AUTS2: variants seen among roughly 807,000 people sequenced by gnomAD.
AUTS2 encodes activator of transcription and developmental regulator AUTS2.
In AUTS2, 17 loss-of-function variants were observed where a neutral mutation model predicts 112.4. That is an observed-to-expected ratio of 0.15 (90% CI 0.10 to 0.23). The LOEUF (loss-of-function observed/expected upper bound fraction) is 0.23. Among genes scored for constraint, AUTS2 ranks in the 10% least tolerant of loss-of-function variants. AUTS2 has a pLI of 1.00. For missense variants in AUTS2, 1,510 were observed against 1,701.6 expected, an observed-to-expected ratio of 0.89 and a Z score of 1.98; for synonymous variants, 751 against 702.7, an observed-to-expected ratio of 1.07 and a Z score of -1.09.
chr7:70,613,038 G>T (rs571935882), intron 5 of AUTS2, among the ~76,000 whole-genome samples: 1 of 152,018 alleles, frequency 6.6e-6, no homozygotes, highest in Admixed American at 6.5e-5. Flanking sequence ...TCTTCGCTTG[G>T]GTGCATTATC....
intron 4 of AUTS2, among the ~76,000 whole-genome samples, chr7:70,408,420 C>T (rs1794633696): frequency 6.6e-6 from 1 of 152,098 alleles, no homozygotes; most frequent in Admixed American, 6.5e-5. Context: ...ATTCCTCTGC[C>T]TGTAAGAGGG....
At chr7:70,074,397 TG>T (rs1436517287) in intron 2 of AUTS2, among the ~76,000 whole-genome samples, 1 of 152,202 alleles carries the variant, frequency 6.6e-6, no homozygotes, top group East Asian at 1.9e-4. Context: ...GTAACTGCTT[TG>T]GTGTTTGTTA....
chr7:69,767,540 G>A (rs530977586), intron 1 of AUTS2, among the ~76,000 whole-genome samples: 1 of 152,272 alleles, frequency 6.6e-6, no homozygotes, highest in Admixed American at 6.5e-5. Context: ...CTCTCCATGT[G>A]GGCCCTTAAA....
chr7:70,670,790 G>A (rs529890692), intron 5 of AUTS2, among the ~76,000 whole-genome samples: 65 of 152,204 alleles, frequency 4.3e-4, no homozygotes, highest in South Asian at 1.9e-3. Context: ...CAGTGCCCCC[G>A]CATCCTGTTT....
chr7:70,164,864 A>G (rs1470418481), intron 4 of AUTS2, among the ~76,000 whole-genome samples: 1 of 152,118 alleles, frequency 6.6e-6, no homozygotes, highest in Non-Finnish European at 1.5e-5. Flanking sequence ...TAAAAAAAAA[A>G]GGTGACTGTT....
chr7:70,111,850 T>A (rs534174591), intron 2 of AUTS2, among the ~76,000 whole-genome samples: 1 of 152,256 alleles, frequency 6.6e-6, no homozygotes, highest in South Asian at 2.1e-4. Flanking sequence ...AATTTATCTG[T>A]TTTTTATTTT....
At chr7:69,962,901 C>G (rs1199105706) in intron 2 of AUTS2, among the ~76,000 whole-genome samples, 1 of 152,058 alleles carries the variant, frequency 6.6e-6, no homozygotes, top group Non-Finnish European at 1.5e-5. Flanking sequence ...GAGCTGTGAC[C>G]AGCTCTGTTT....
chr7:69,864,620 G>A (rs572411854), intron 1 of AUTS2, among the ~76,000 whole-genome samples: 2 of 152,308 alleles, frequency 1.3e-5, no homozygotes, highest in East Asian at 1.9e-4. Context: ...CTAAGTGGAG[G>A]CTCACATTTA....
chr7:70,335,325 A>G (rs146255187), intron 4 of AUTS2, among the ~76,000 whole-genome samples: 1 of 152,266 alleles, frequency 6.6e-6, no homozygotes, highest in Non-Finnish European at 1.5e-5. Flanking sequence ...TCTCCTGCCC[A>G]ATTCTTAGGC....
intron 4 of AUTS2, among the ~76,000 whole-genome samples, chr7:70,189,834 A>G (rs1272027935): frequency 1.3e-5 from 2 of 152,122 alleles, no homozygotes; most frequent in Admixed American, 6.6e-5. Context: ...ATTTCCAGCT[A>G]CATTGACTAT....
At chr7:70,155,721 C>T (rs1157598375) in intron 4 of AUTS2, among the ~76,000 whole-genome samples, 1 of 152,088 alleles carries the variant, frequency 6.6e-6, no homozygotes, top group Non-Finnish European at 1.5e-5. Context: ...ATATCCCTTC[C>T]CTTGGGCTTG....
chr7:70,068,692 A>G (rs1802613070), intron 2 of AUTS2, among the ~76,000 whole-genome samples: 3 of 152,196 alleles, frequency 2.0e-5, no homozygotes, highest in Non-Finnish European at 4.4e-5. Flanking sequence ...GTAGCTTAAG[A>G]AAAGAAAAGC....
chr7:70,657,598 G>A (rs1806839348), intron 5 of AUTS2, among the ~76,000 whole-genome samples: 1 of 152,282 alleles, frequency 6.6e-6, no homozygotes, highest in Non-Finnish European at 1.5e-5. Flanking sequence ...GTTAGCCCAG[G>A]CCACTTGTGG....
chr7:70,520,274 G>C (rs180675800), intron 5 of AUTS2, among the ~76,000 whole-genome samples: 49 of 152,264 alleles, frequency 3.2e-4, no homozygotes, highest in Admixed American at 1.6e-3. Flanking sequence ...AGTCCTGCAT[G>C]ACCCCAGATT....
At chr7:70,422,181 G>A (rs1273807685) in intron 4 of AUTS2, among the ~76,000 whole-genome samples, 2 of 152,094 alleles carry the variant, frequency 1.3e-5, no homozygotes, top group Admixed American at 1.3e-4. Flanking sequence ...ATTATCTCAA[G>A]CCATATTTAT....
At chr7:69,852,907 C>T (rs1792553111) in intron 1 of AUTS2, among the ~76,000 whole-genome samples, 1 of 152,032 alleles carries the variant, frequency 6.6e-6, no homozygotes, top group South Asian at 2.1e-4. Flanking sequence ...GATTATTTGC[C>T]AGTGTGTTTT....
chr7:70,167,592 CCTT>C (rs570408574), intron 4 of AUTS2, among the ~76,000 whole-genome samples: 64 of 152,196 alleles, frequency 4.2e-4, no homozygotes, highest in African/African-American at 1.5e-3. Flanking sequence ...TAGAATGTGC[CCTT>C]CAACAGCAAA....
intron 1 of AUTS2, among the ~76,000 whole-genome samples, chr7:69,630,653 G>A (rs1471567129): frequency 6.6e-6 from 1 of 152,126 alleles, no homozygotes; most frequent in Non-Finnish European, 1.5e-5. Flanking sequence ...TTCAAGATGT[G>A]GAAGTGTATA....
intron 4 of AUTS2, among the ~76,000 whole-genome samples, chr7:70,357,803 A>G (rs1184405328): frequency 2.0e-5 from 3 of 152,214 alleles, no homozygotes; most frequent in African/African-American, 7.2e-5. Context: ...AAGAAAGCCA[A>G]TTCTGAGGTT....
Sources: allele counts gnomAD v4.1 joint callset (sites outside exome capture counted in the v4.1 genomes callset), GRCh38; gene constraint gnomAD v4.1.1; transcripts MANE v1.5; gene names NCBI Gene and HGNC (gene_info 2026-07-23, HGNC 2026-07-21).